The following POLR1E variants were observed in gnomAD, a reference collection of about 807,000 sequenced individuals.
POLR1E encodes the protein DNA-directed RNA polymerase I subunit RPA49.
Under a neutral mutation model 50.9 loss-of-function variants are expected in POLR1E, and 37 were observed. The observed-to-expected ratio is 0.73, with a 90% CI of 0.56 to 0.96. POLR1E has a LOEUF of 0.96. Among genes scored for constraint, POLR1E ranks in the 40% least tolerant of loss-of-function variants. The pLI, the probability that POLR1E is intolerant of heterozygous loss-of-function variation, is 0.00. For missense variants in POLR1E, 426 were observed against 518.1 expected (o/e 0.82, Z 1.73); for synonymous variants, 166 against 191.6 (o/e 0.87, Z 1.10).
chr9:37,495,145 A>G (rs374328851), intron 6 of POLR1E, 24 bp from the exon 7 acceptor site: 78 of 1,573,362 alleles, frequency 5.0e-5, no homozygotes, highest in Non-Finnish European at 6.6e-5. Context: ...AGGGTGATAC[A>G]TGGATTGTTT....
rs1225767496 is a variant in POLR1E, at chr9:37,485,969, C to T, written c.-79C>T. 1.3e-6 allele frequency: 2 copies of T among 1,529,986 alleles called. No individual in the cohort carries two copies. The highest frequency in any genetic ancestry group is 1.8e-6 in the Non-Finnish European group (2 of 1,127,860). The allele number at this position is 1,529,986 out of a possible 1,614,324, so 94.8% of individuals were successfully genotyped here. A position where few individuals can be genotyped will look rare whatever the true frequency, so the allele number is the denominator to read the frequency against. ...ACGCCTTTTCCGGCCCGCAGCGCGGCCTGGGCTCCCGCGTGTTTAAAAGTG... is the reference window on the plus strand; with the variant it reads ...ACGCCTTTTCCGGCCCGCAGCGCGGTCTGGGCTCCCGCGTGTTTAAAAGTG... On this transcript the variant is annotated 5_prime_UTR_variant, in exon 1 of 12. Transcript: ENST00000377798.
chr9:37,501,556 C>T (rs1820888447), intron 10 of POLR1E, among the ~76,000 whole-genome samples, 157 bp from the exon 11 acceptor site: 2 of 152,228 alleles, frequency 1.3e-5, no homozygotes, highest in South Asian at 2.1e-4. Context: ...GCCCAGGAAC[C>T]TTGGAAGGGC....
chr9:37,489,569 GTTTT>G (rs1178557805), intron 4 of POLR1E, among the ~76,000 whole-genome samples, 169 bp downstream of exon 4: 1 of 151,768 alleles, frequency 6.6e-6, no homozygotes, highest in Non-Finnish European at 1.5e-5. Flanking sequence ...TATACACACT[GTTTT>G]TTGTTTTTTG....
At chr9:37,486,647 G>T (rs1350260489) in intron 1 of POLR1E, 56 bp from the exon 2 acceptor site, 1 of 1,605,764 alleles carries the variant, frequency 6.2e-7, no homozygotes, top group South Asian at 1.1e-5. Flanking sequence ...CGTACATTGT[G>T]TGGTACATTG....
intron 1 of POLR1E, 179 bp from the exon 2 acceptor site, chr9:37,486,516 CACCTCCCT>C: frequency 1.3e-6 from 2 of 1,558,332 alleles, no homozygotes; most frequent in East Asian, 2.4e-5. Flanking sequence ...AGGGTTCTCC[CACCTCCCT>C]ACCTCCTCTT....
chr9:37,495,238 A>G lies in POLR1E; in HGVS notation c.617A>G (p.Asp206Gly), dbSNP rs760055464. The change falls in exon 7 of 12, where the codon GAT becomes GGT. Residue 206 changes from aspartate (D) to glycine (G), a missense_variant. Coordinates refer to ENST00000377798, the MANE Select transcript of POLR1E (RefSeq NM_022490.4). ...DSLYLPPCYDDAAKPEDVYKF... is the reference protein window; with the variant it reads ...DSLYLPPCYDGAAKPEDVYKF... ...CTCTACCTTCCTCCCTGCTATGATG[A>G]TGCAGCCAAGCCTGAAGACGTGTAT... 1 of 1,614,122 alleles carries G rather than the reference A, an allele frequency of 6.2e-7. No homozygotes were observed. Among genetic ancestry groups the G allele is most frequent in the South Asian group, 1.1e-5 (1 of 91,090 alleles).
intron 9 of POLR1E, among the ~76,000 whole-genome samples, chr9:37,499,685 C>T (rs958341942): frequency 1.3e-5 from 2 of 151,702 alleles, no homozygotes; most frequent in Non-Finnish European, 2.9e-5. Flanking sequence ...GGCACCACCA[C>T]GCCCAGCTAA....
intron 8 of POLR1E, 106 bp downstream of exon 8, chr9:37,496,092 C>T: frequency 1.3e-6 from 1 of 790,932 alleles, no homozygotes; most frequent in South Asian, 1.6e-5. Context: ...GGAAGTGTGT[C>T]TGGAGCATTG....
Position 37,486,802 on chromosome 9 carries a change from T to C in POLR1E, c.176T>C (p.Ile59Thr). Residue 59 changes from isoleucine to threonine, a missense_variant, in exon 2 of 12, where the codon ATC (isoleucine) becomes ACC (threonine). Transcript: ENST00000377798. ...STNPRKRNQR[I>T]LAAETDRLSY... is the part of the protein sequence containing the mutation. ...AACCCCAGGAAGAGGAATCAACGGA[T>C]CCTGGTAAGTGAAGCAGTTGCCAGC... The C allele has an allele frequency of 6.2e-7, 1 of 1,608,420 alleles. No homozygotes were observed. Among genetic ancestry groups the C allele is most frequent in the South Asian group, 1.1e-5 (1 of 90,586 alleles).
rs1820584447 is a variant in POLR1E, at chr9:37,486,702, G to T, written c.77-1G>T. The T allele has an allele frequency of 3.1e-6, 5 of 1,614,212 alleles. No individual in the cohort carries two copies. Among genetic ancestry groups the T allele is most frequent in the Non-Finnish European group, 4.2e-6 (5 of 1,180,034 alleles). Reference sequence around the variant, plus strand: ...CTCATTCTTGGGCTGCACTCTTACAGTCCAGTTCTCCAACGGGAAGCTACA... The same window carrying T: ...CTCATTCTTGGGCTGCACTCTTACATTCCAGTTCTCCAACGGGAAGCTACA... On this transcript the variant is annotated splice_acceptor_variant, in intron 1 of 11. Coordinates refer to ENST00000377798, the MANE Select transcript of POLR1E (RefSeq NM_022490.4). LOFTEE classifies it high-confidence loss of function.
chr9:37,493,420 A>G, intron 5 of POLR1E, 139 bp from the exon 6 acceptor site: 1 of 605,250 alleles, frequency 1.7e-6, no homozygotes, highest in Non-Finnish European at 2.6e-6. Context: ...CCTGTGAGGT[A>G]AATAGGTGCG....
intron 8 of POLR1E, among the ~76,000 whole-genome samples, chr9:37,497,153 C>T (rs1045141524): frequency 6.6e-6 from 1 of 152,122 alleles, no homozygotes; most frequent in Non-Finnish European, 1.5e-5. Flanking sequence ...GTCGGGAGTT[C>T]AAGACCAGCG....
At chr9:37,495,091 G>T (rs994592366) in intron 6 of POLR1E, 78 bp from the exon 7 acceptor site, 12 of 1,231,130 alleles carry the variant, frequency 9.7e-6, no homozygotes, top group Non-Finnish European at 1.2e-5. Flanking sequence ...TTGGTGGTCT[G>T]AAGTGCACAG....
chr9:37,496,246 T>C (rs1400818567), intron 8 of POLR1E, among the ~76,000 whole-genome samples: 1 of 152,152 alleles, frequency 6.6e-6, no homozygotes, highest in Non-Finnish European at 1.5e-5. Context: ...GGCTGGGAAC[T>C]AGAGCTGGCC....
intron 8 of POLR1E, 101 bp from the exon 9 acceptor site, chr9:37,497,990 G>A (rs1040589226): frequency 3.7e-6 from 5 of 1,368,252 alleles, no homozygotes; most frequent in South Asian, 2.8e-5. Context: ...TGAGTGCGTC[G>A]GGGTGAGAGG....
rs1820926244 is a variant in POLR1E at position 37,503,262 on chromosome 9, AT to A, written c.*63del. 2 of 1,502,266 alleles carry A rather than the reference AT, an allele frequency of 1.3e-6. No individual in the cohort carries two copies. Among genetic ancestry groups the A allele is most frequent in the Non-Finnish European group, 8.9e-7 (1 of 1,124,138 alleles). The allele number at this position is 1,502,266 out of a possible 1,614,324, so 93.1% of individuals were successfully genotyped here. Reference sequence around the variant, plus strand: ...TCACAGCCACTGGCTGGTCCTATTCATTTCCATTTTTATGTATGTTTTGAAA... The same window carrying A: ...TCACAGCCACTGGCTGGTCCTATTCATTCCATTTTTATGTATGTTTTGAAA... On this transcript the variant is annotated 3_prime_UTR_variant, in exon 12 of 12. Transcript: ENST00000377798.
chr9:37,490,080 A>G (rs1470395882), intron 4 of POLR1E, among the ~76,000 whole-genome samples: 1 of 152,180 alleles, frequency 6.6e-6, no homozygotes, highest in Non-Finnish European at 1.5e-5. Context: ...CTTTTCCATA[A>G]AAGAACTTCC....
At chr9:37,487,505 T>C (rs1820601005) in intron 2 of POLR1E, among the ~76,000 whole-genome samples, 1 of 152,182 alleles carries the variant, frequency 6.6e-6, no homozygotes, top group African/African-American at 2.4e-5. Context: ...CCTGAGAGTA[T>C]ACAAAGAACA....
intron 9 of POLR1E, 35 bp downstream of exon 9, chr9:37,498,259 T>C: frequency 2.5e-6 from 4 of 1,584,910 alleles, no homozygotes; most frequent in Non-Finnish European, 3.5e-6. Flanking sequence ...TCTAATTGTT[T>C]CCAGTATATT....
Sources: gnomAD v4.1 joint callset for allele counts (sites outside exome capture counted in the v4.1 genomes callset) on GRCh38, gnomAD v4.1.1 for gene constraint, MANE v1.5 for transcripts, NCBI Gene and HGNC (gene_info 2026-07-23, HGNC 2026-07-21) for gene names.